UGT2B17: variants seen among roughly 807,000 people sequenced by gnomAD.
UGT2B17 encodes the protein UDP glucuronosyltransferase family 2 member B17.
Under a neutral mutation model 48.2 loss-of-function variants are expected in UGT2B17, and 21 were observed. The ratio of observed to expected loss-of-function variants is 0.44; its 90% CI spans 0.31 to 0.63. The LOEUF is 0.63. UGT2B17 is among the 20% of genes least tolerant of loss of function. The probability of loss-of-function intolerance (pLI) is 0.08; values close to 1 mark genes in which losing one functional copy is unlikely to be tolerated. For synonymous variants in UGT2B17, 146 were observed against 238.4 expected (o/e 0.61, Z 3.57); for missense variants, 402 against 696.1 (o/e 0.58, Z 4.75).
At chr4:68,574,528 C>CT (rs1014742747) in intron 1 of UGT2B17, among the ~76,000 whole-genome samples, 1 of 126,342 alleles carries the variant, frequency 7.9e-6, no homozygotes, top group Non-Finnish European at 1.7e-5. Context: ...CTGGATAATA[C>CT]TTTTTTAACT....
At chr4:68,556,558 G>A (rs1263244677) in intron 4 of UGT2B17, among the ~76,000 whole-genome samples, 1 of 125,872 alleles carries the variant, frequency 7.9e-6, no homozygotes, top group Admixed American at 8.1e-5. Flanking sequence ...AATCATTAAT[G>A]TCAAAGACAC....
rs972272389 is a variant in UGT2B17, at chr4:68,556,622, G to C, written c.1005+3915C>G. ...TGTGTCAGATTAACAAGGTTTTCTT[G>C]AAGCATAAACTGACTTCTTAATAAA... On this transcript the variant is annotated intron_variant, in intron 4 of 6. Coordinates refer to ENST00000317746, the MANE Select transcript of UGT2B17 (RefSeq NM_001077.4). Among the ~76,000 whole-genome samples the C allele has an allele frequency of 4.0e-5, 5 of 126,220 alleles. 1 individual carries two copies. Among genetic ancestry groups the C allele is most frequent in the Non-Finnish European group, 3.4e-5 (2 of 59,312 alleles). The allele number at this position is 126,220 out of a possible 152,430, so 82.8% of individuals were successfully genotyped here.
In UGT2B17 at chr4:68,550,636, A is replaced by T. The variant is rs1283700482; in HGVS notation, c.1313+41T>A. ...AACTCATATTCACTGTTGACAAAAT[A>T]ATTTGTAAGTACCACCTGGTCACAA... On this transcript the variant is annotated intron_variant, in intron 6 of 6. Coordinates refer to ENST00000317746, the MANE Select transcript of UGT2B17 (RefSeq NM_001077.4). 8.3e-6 allele frequency: 11 copies of T among 1,326,670 alleles called. 4 individuals carry two copies. Among genetic ancestry groups the T allele is most frequent in the Non-Finnish European group, 1.1e-5 (11 of 1,016,878 alleles). The allele number at this position is 1,326,670 out of a possible 1,614,324, so 82.2% of individuals were successfully genotyped here.
chr4:68,550,578 C>T lies in UGT2B17; in HGVS notation c.1313+99G>A. On this transcript the variant is annotated intron_variant, in intron 6 of 6. Transcript: ENST00000317746. ...TTTACATTGGTTAAATCACTTCAAT[C>T]CCTTCAAAATTAGTCTCTTAACAAA... The T allele has an allele frequency of 2.2e-6, 2 of 925,642 alleles. 1 individual carries two copies. The highest frequency in any genetic ancestry group is 5.5e-5 in the Admixed American group (2 of 36,644). The allele number at this position is 925,642 out of a possible 1,614,324, so 57.3% of individuals were successfully genotyped here. A position where few individuals can be genotyped will look rare whatever the true frequency, so the allele number is the denominator to read the frequency against.
chr4:68,565,993 G>C (rs1186525277), intron 2 of UGT2B17, among the ~76,000 whole-genome samples: 2 of 113,174 alleles, frequency 1.8e-5, no homozygotes, highest in Non-Finnish European at 3.6e-5. Flanking sequence ...TAATTTAATA[G>C]TATTTAATTT....
rs1301585012 is a variant in UGT2B17, at chr4:68,539,843, G to A, written c.1314-1939C>T. Among the ~76,000 whole-genome samples the A allele has an allele frequency of 1.8e-5, 2 of 108,744 alleles. 1 individual carries two copies. The allele number at this position is 108,744 out of a possible 152,430, so 71.3% of individuals were successfully genotyped here. ...TCTGTCACCCAGGCTTGAGTATGACGGAGCGATCTTGGCTGACTGCAACTT... is the reference window on the plus strand; with the variant it reads ...TCTGTCACCCAGGCTTGAGTATGACAGAGCGATCTTGGCTGACTGCAACTT... On this transcript the variant is annotated intron_variant, in intron 6 of 6. Transcript: ENST00000317746.
At chr4:68,549,919 A>G (rs1364771832) in intron 6 of UGT2B17, among the ~76,000 whole-genome samples, 2 of 126,164 alleles carry the variant, frequency 1.6e-5, no homozygotes, top group African/African-American at 2.7e-5. Flanking sequence ...TGGTATAAAC[A>G]TATCAAAGAA....
Position 68,567,925 on chromosome 4 carries a change from C to T in UGT2B17, c.560G>A (p.Gly187Glu), listed in dbSNP as rs756634898. Residue 187 changes from glycine to glutamate, a missense_variant, in exon 2 of 7, where the codon GGA (glycine) becomes GAA (glutamate). Physicochemically the swap from Gly to Glu is moderately conservative, Grantham distance 98. Coordinates refer to ENST00000317746, the MANE Select transcript of UGT2B17 (RefSeq NM_001077.4). ...TACATAGGAAGGAGGGAACAGAAATCCTCCACCATTCTTCTCAACTGTGTA... is the reference window on the plus strand; with the variant it reads ...TACATAGGAAGGAGGGAACAGAAATTCTCCACCATTCTTCTCAACTGTGTA... Reference protein sequence around the residue: ...VGYTVEKNGGGFLFPPSYVPV... With the variant: ...VGYTVEKNGGEFLFPPSYVPV... The T allele has an allele frequency of 1.9e-5, 26 of 1,379,768 alleles. 6 individuals carry two copies. The highest frequency in any genetic ancestry group is 2.5e-5 in the Non-Finnish European group (26 of 1,054,770). 85.5% of individuals were successfully genotyped at this position (1,379,768 alleles called of 1,614,324 possible). A position where few individuals can be genotyped will look rare whatever the true frequency, so the allele number is the denominator to read the frequency against.
chr4:68,537,591 C>G lies in UGT2B17; in HGVS notation c.*34G>C. 6.1e-6 allele frequency: 8 copies of G among 1,307,964 alleles called. 1 individual carries two copies. Among genetic ancestry groups the G allele is most frequent in the Non-Finnish European group, 4.9e-6 (5 of 1,014,900 alleles). 81.0% of individuals were successfully genotyped at this position (1,307,964 alleles called of 1,614,324 possible). ...TGCTGGAATAAAGGAGGAGTCCCAT[C>G]TTTTGGTCATTCCACTTCAGGCTTT... On this transcript the variant is annotated 3_prime_UTR_variant, in exon 7 of 7. Transcript: ENST00000317746.
chr4:68,544,905 C>CACCCA (rs1730765776), intron 6 of UGT2B17, among the ~76,000 whole-genome samples: 1 of 122,318 alleles, frequency 8.2e-6, no homozygotes, highest in Non-Finnish European at 1.8e-5. Context: ...CCTAAATATA[C>CACCCA]ATGCACCCAG....
chr4:68,567,996 C>T lies in UGT2B17; in HGVS notation c.489G>A (p.Glu163=), dbSNP rs34664906. The part of the protein sequence containing the change: ...AVNPCGELLA[E]LLNIPFLYSL... ...TGTACAGAAAGGGTATGTTAAGTAG[C>T]TCAGCCAGCAGCTCACCACAGGGAT... The change falls in exon 2 of 7, where the codon GAG becomes GAA. Residue 163 remains glutamate (E), a synonymous_variant. Transcript: ENST00000317746. The T allele has an allele frequency of 0.42, 579,041 of 1,379,712 alleles. 206,979 individuals carry two copies. Among genetic ancestry groups the T allele is most frequent in the Admixed American group, 0.57 (28,582 of 50,124 alleles). The allele number at this position is 1,379,712 out of a possible 1,614,324, so 85.5% of individuals were successfully genotyped here. A position where few individuals can be genotyped will look rare whatever the true frequency, so the allele number is the denominator to read the frequency against.
At chr4:68,542,732 A>G (rs1730693703) in intron 6 of UGT2B17, among the ~76,000 whole-genome samples, 1 of 125,992 alleles carries the variant, frequency 7.9e-6, no homozygotes, top group Admixed American at 8.1e-5. Flanking sequence ...AAATTGGGTT[A>G]CTCCCACCCT....
At chr4:68,545,192 A>G (rs1730773901) in intron 6 of UGT2B17, among the ~76,000 whole-genome samples, 1 of 126,338 alleles carries the variant, frequency 7.9e-6, no homozygotes, top group Non-Finnish European at 1.7e-5. Context: ...CTCCTCAGCA[A>G]ATGTAAAAGA....
In UGT2B17 at chr4:68,564,901, T is replaced by A. The variant is rs1434961447; in HGVS notation, c.873+671A>T. Among the ~76,000 whole-genome samples the A allele has an allele frequency of 1.6e-5, 2 of 123,534 alleles. 1 individual carries two copies. The highest frequency in any genetic ancestry group is 5.5e-5 in the African/African-American group (2 of 36,076). 81.0% of individuals were successfully genotyped at this position (123,534 alleles called of 152,430 possible). A position where few individuals can be genotyped will look rare whatever the true frequency, so the allele number is the denominator to read the frequency against. On this transcript the variant is annotated intron_variant, in intron 3 of 6. Transcript: ENST00000317746. ...ATTTTTATTTTTGTTAGAGATGAGG[T>A]TTTACCATGTTGCCCAGGCTGGTCT...
At chr4:68,550,982 A>T in intron 5 of UGT2B17, 86 bp from the exon 6 acceptor site, 1 of 1,005,138 alleles carries the variant, frequency 9.9e-7, no homozygotes, top group Non-Finnish European at 1.3e-6. Context: ...AACTTAAAGC[A>T]AAACTGTTCC....
In UGT2B17 at chr4:68,565,670, T is replaced by A. The variant is rs766493964; in HGVS notation, c.775A>T (p.Ile259Phe). The A allele has an allele frequency of 2.4e-5, 33 of 1,367,356 alleles. 5 individuals are homozygous for A. Among genetic ancestry groups the A allele is most frequent in the Non-Finnish European group, 3.1e-5 (32 of 1,048,772 alleles). 84.7% of individuals were successfully genotyped at this position (1,367,356 alleles called of 1,614,324 possible). ...AATTCAAAATCCCAATAGGTTCGAATGAGCCACATTTCAGCTTTCCCCATT... is the reference window on the plus strand; with the variant it reads ...AATTCAAAATCCCAATAGGTTCGAAAGAGCCACATTTCAGCTTTCCCCATT... ...ETMGKAEMWL[I>F]RTYWDFEFPR... is the part of the protein sequence containing the mutation. The change falls in exon 3 of 7, where the codon ATT (isoleucine) becomes TTT (phenylalanine). Residue 259 changes from isoleucine to phenylalanine, a missense_variant. Ile to Phe is a conservative substitution (Grantham distance 21, BLOSUM62 0). Around this residue, in one of 5 missense-constraint regions of UGT2B17, gnomAD observed 106 missense variants for 169.8 expected, o/e 0.62. Coordinates refer to ENST00000317746, the MANE Select transcript of UGT2B17 (RefSeq NM_001077.4).
chr4:68,571,777 G>A (rs1416084839), intron 1 of UGT2B17, among the ~76,000 whole-genome samples: 2 of 125,512 alleles, frequency 1.6e-5, no homozygotes, highest in Non-Finnish European at 3.4e-5. Flanking sequence ...ACTGGGCTAC[G>A]TGTTAGGCTA....
Position 68,568,264 on chromosome 4 carries a change from AATTTAATAGCAGATG to A in UGT2B17, c.206_220del (p.Ser69_Lys73del). The A allele has an allele frequency of 1.5e-6, 2 of 1,375,942 alleles. No individual in the cohort carries two copies. Among genetic ancestry groups the A allele is most frequent in the Non-Finnish European group, 1.9e-6 (2 of 1,054,088 alleles). 85.2% of individuals were successfully genotyped at this position (1,375,942 alleles called of 1,614,324 possible). On this transcript the variant is annotated inframe_deletion, in exon 2 of 7. Coordinates refer to ENST00000317746, the MANE Select transcript of UGT2B17 (RefSeq NM_001077.4). ...AGTTAAAGATGTAGGATAAACTTCT[AATTTAATAGCAGATG>A]ATTTACTGGCATTGACAAGAATAGA...
Position 68,548,681 on chromosome 4 carries a change from A to G in UGT2B17, c.1313+1996T>C, listed in dbSNP as rs1287300118. 4.8e-5 allele frequency among the ~76,000 whole-genome samples: 6 copies of G among 125,396 alleles called. 2 individuals carry two copies. Among genetic ancestry groups the G allele is most frequent in the Non-Finnish European group, 1.0e-4 (6 of 59,420 alleles). The allele number at this position is 125,396 out of a possible 152,430, so 82.3% of individuals were successfully genotyped here. A position where few individuals can be genotyped will look rare whatever the true frequency, so the allele number is the denominator to read the frequency against. ...GTTTGTGTCCTCTCTTAATTCCTTCAGCAGGGTTTTCTATTTCTCCTTGAA... is the reference window on the plus strand; with the variant it reads ...GTTTGTGTCCTCTCTTAATTCCTTCGGCAGGGTTTTCTATTTCTCCTTGAA... On this transcript the variant is annotated intron_variant, in intron 6 of 6. Coordinates refer to ENST00000317746, the MANE Select transcript of UGT2B17 (RefSeq NM_001077.4).
Sources: allele counts gnomAD v4.1 joint callset (sites outside exome capture counted in the v4.1 genomes callset), GRCh38; gene constraint gnomAD v4.1.1; regional missense constraint gnomAD v4.1.1; transcripts MANE v1.5; gene names NCBI Gene and HGNC (gene_info 2026-07-23, HGNC 2026-07-21).